Variants in PUDP observed in about 807,000 individuals in gnomAD.
PUDP encodes the protein pseudouridine-5'-phosphatase.
A neutral mutation model predicts 9.4 loss-of-function variants in PUDP; 8 were observed. The observed-to-expected ratio is 0.85, with a 90% CI of 0.50 to 1.53. The LOEUF is 1.53. PUDP is among the 40% of genes most tolerant of loss of function. PUDP has a pLI of 0.00. For missense variants in PUDP, 188 were observed against 189.7 expected (o/e 0.99, Z 0.05); for synonymous variants, 99 against 80.7 (o/e 1.23, Z -1.22).
chrX:6,894,711 G>T (rs1927562437), intron 3 of PUDP, among the ~76,000 whole-genome samples: 1 of 111,365 alleles, frequency 9.0e-6, no homozygotes, highest in African/African-American at 3.3e-5. Flanking sequence ...AGCCAAGGAT[G>T]GTGTGGGGGG....
At chrX:6,903,720 T>C (rs1310119210) in intron 3 of PUDP, among the ~76,000 whole-genome samples, 1 of 110,619 alleles carries the variant, frequency 9.0e-6, no homozygotes, top group Non-Finnish European at 1.9e-5. Context: ...TTCTCACTTA[T>C]ACGTAGAAGC....
At chrX:7,050,805 G>A (rs1930080130) in intron 3 of PUDP, among the ~76,000 whole-genome samples, 1 of 112,349 alleles carries the variant, frequency 8.9e-6, no homozygotes, top group Admixed American at 9.4e-5. Flanking sequence ...ATCAATAATT[G>A]AACATTCAGA....
rs148862643 is a variant in PUDP, at chrX:6,841,362, C to T, written c.*248-134896G>A. ...ATCCCAGCACTTTGAGAGGGTGAGG[C>T]GGGTGGATGAGTTGAGCCCAGGAGT... On this transcript the variant is annotated intron_variant and NMD_transcript_variant, in intron 3 of 3. Coordinates refer to the PUDP transcript ENST00000655425. 9.7e-3 allele frequency among the ~76,000 whole-genome samples: 1,070 copies of T among 109,746 alleles called. 6 individuals are homozygous for T. The highest frequency in any genetic ancestry group is 0.047 in the Middle Eastern group (10 of 211).
chrX:6,888,410 G>A (rs1214744125), intron 3 of PUDP, among the ~76,000 whole-genome samples: 1 of 110,396 alleles, frequency 9.1e-6, no homozygotes, highest in Non-Finnish European at 1.9e-5. Flanking sequence ...GGAAGGCCAA[G>A]GTGGGTGGAT....
chrX:6,907,899 C>G (rs1927791882), intron 3 of PUDP, among the ~76,000 whole-genome samples: 1 of 112,138 alleles, frequency 8.9e-6, no homozygotes, highest in African/African-American at 3.2e-5. Flanking sequence ...CATGAGCTGC[C>G]AATATCTCAC....
At chrX:6,932,557 G>A (rs1374559528) in intron 3 of PUDP, among the ~76,000 whole-genome samples, 2 of 111,441 alleles carry the variant, frequency 1.8e-5, no homozygotes, top group African/African-American at 6.5e-5. Flanking sequence ...AGAAGACGGT[G>A]ATTTCTGCAT....
intron 3 of PUDP, among the ~76,000 whole-genome samples, chrX:7,070,504 G>T (rs1386486497): frequency 9.0e-6 from 1 of 111,196 alleles, no homozygotes; most frequent in African/African-American, 3.3e-5. Flanking sequence ...GTGTTGCAGG[G>T]TAAGAAGCTG....
chrX:7,116,021 A>G (rs1408729391), intron 1 of PUDP, among the ~76,000 whole-genome samples: 6 of 113,002 alleles, frequency 5.3e-5, no homozygotes, highest in African/African-American at 1.6e-4. Flanking sequence ...AGTTATAAAG[A>G]TAACTGTCCA....
intron 3 of PUDP, among the ~76,000 whole-genome samples, chrX:6,822,697 T>TG (rs1340984291): frequency 2.7e-5 from 3 of 110,406 alleles, no homozygotes; most frequent in South Asian, 3.9e-4. Context: ...AGTGTTTTTT[T>TG]TTTTTTTTTT....
intron 1 of PUDP, among the ~76,000 whole-genome samples, chrX:6,986,357 C>T (rs1022436114): frequency 4.5e-5 from 5 of 111,703 alleles, no homozygotes; most frequent in African/African-American, 6.5e-5. Context: ...CCCTACAAAC[C>T]GCCCTCAGCG....
chrX:7,039,534 T>A (rs200144347), intron 1 of PUDP, among the ~76,000 whole-genome samples: 1 of 111,134 alleles, frequency 9.0e-6, no homozygotes. Flanking sequence ...GAAGAGGAGA[T>A]GAGGACACAG....
chrX:6,734,117 C>T (rs4391609), intron 3 of PUDP, among the ~76,000 whole-genome samples: 33,901 of 109,830 alleles, frequency 0.31, 5,929 homozygotes, highest in African/African-American at 0.67. Context: ...TCCGCCTTGA[C>T]AGGGATCCAG....
intron 3 of PUDP, among the ~76,000 whole-genome samples, chrX:6,894,092 CTGT>C (rs1927553555): frequency 9.0e-6 from 1 of 110,701 alleles, no homozygotes; most frequent in East Asian, 2.8e-4. Context: ...ACCCTGGGGC[CTGT>C]TGGAGTGGGG....
chrX:6,802,712 C>T (rs1037998709), intron 3 of PUDP, among the ~76,000 whole-genome samples: 1 of 108,116 alleles, frequency 9.2e-6, no homozygotes, highest in African/African-American at 3.4e-5. Context: ...GGTGAAACCC[C>T]GTCTCTGCTA....
intron 2 of PUDP, among the ~76,000 whole-genome samples, chrX:7,086,305 A>C (rs1184514666): frequency 3.6e-5 from 4 of 112,623 alleles, no homozygotes; most frequent in African/African-American, 1.3e-4. Context: ...TCCCCAAAGC[A>C]TATAGTATTC....
At chrX:7,093,329 T>C (rs1489693231) in intron 2 of PUDP, among the ~76,000 whole-genome samples, 3 of 111,871 alleles carry the variant, frequency 2.7e-5, no homozygotes, top group Non-Finnish European at 5.6e-5. Flanking sequence ...ACCCCAACTT[T>C]CCATGCCCAA....
chrX:6,839,893 GC>G (rs61575942), intron 3 of PUDP, among the ~76,000 whole-genome samples: 34,127 of 108,336 alleles, frequency 0.32, 4,012 homozygotes, highest in South Asian at 0.38. Flanking sequence ...AAAAATGTAT[GC>G]CCCCCCCTCC....
At chrX:6,964,487 A>G (rs1928753178) in intron 3 of PUDP, among the ~76,000 whole-genome samples, 1 of 110,931 alleles carries the variant, frequency 9.0e-6, no homozygotes, top group Non-Finnish European at 1.9e-5. Context: ...AGCTTGCGCA[A>G]CATAGTGAGA....
At chrX:6,875,243 A>AT (rs1927235282) in intron 3 of PUDP, among the ~76,000 whole-genome samples, 1 of 110,015 alleles carries the variant, frequency 9.1e-6, no homozygotes, top group African/African-American at 3.3e-5. Context: ...TAATTTTTAT[A>AT]TTTTTTGTAA....
Sources: allele counts gnomAD v4.1 joint callset (sites outside exome capture counted in the v4.1 genomes callset), GRCh38; gene constraint gnomAD v4.1.1; transcripts MANE v1.5; gene names NCBI Gene and HGNC (gene_info 2026-07-23, HGNC 2026-07-21).